Variants in KCNB2 observed in about 807,000 individuals in gnomAD.
KCNB2 encodes potassium voltage-gated channel subfamily B member 2.
A neutral mutation model predicts 61.5 loss-of-function variants in KCNB2; 15 were observed. That is an observed-to-expected ratio of 0.24 (90% CI 0.16 to 0.38). The LOEUF is 0.38. Ranked by LOEUF, KCNB2 falls within the 10% of genes least tolerant of loss-of-function variation. The probability of loss-of-function intolerance (pLI) is 1.00; values close to 1 mark genes in which losing one functional copy is unlikely to be tolerated. For missense variants in KCNB2, 828 were observed against 1,125.2 expected, an observed-to-expected ratio of 0.74 and a Z score of 3.78; for synonymous variants, 457 against 446.0, an observed-to-expected ratio of 1.02 and a Z score of -0.31.
At chr8:72,735,359 T>C (rs917915265) in intron 2 of KCNB2, among the ~76,000 whole-genome samples, 1 of 152,158 alleles carries the variant, frequency 6.6e-6, no homozygotes, top group Non-Finnish European at 1.5e-5. Context: ...ATTTTGCTCA[T>C]AAAAGTCATT....
At chr8:72,607,256 GA>G (rs1372039878) in intron 2 of KCNB2, among the ~76,000 whole-genome samples, 2 of 152,106 alleles carry the variant, frequency 1.3e-5, no homozygotes, top group Non-Finnish European at 2.9e-5. Flanking sequence ...GGAGTTGGAG[GA>G]ACAGGGATGG....
chr8:72,812,121 G>A (rs1585907247), intron 2 of KCNB2, among the ~76,000 whole-genome samples: 2 of 152,106 alleles, frequency 1.3e-5, no homozygotes, highest in Admixed American at 6.6e-5. Context: ...AATTAGCTGG[G>A]CATAGCAGCT....
intron 2 of KCNB2, among the ~76,000 whole-genome samples, chr8:72,909,730 T>A (rs1462330771): frequency 6.6e-6 from 1 of 151,900 alleles, no homozygotes; most frequent in Non-Finnish European, 1.5e-5. Flanking sequence ...ATGAGAGATA[T>A]TTAAGAGGTC....
At chr8:72,555,219 A>G (rs913181565) in intron 1 of KCNB2, among the ~76,000 whole-genome samples, 1 of 151,954 alleles carries the variant, frequency 6.6e-6, no homozygotes, top group African/African-American at 2.4e-5. Flanking sequence ...GAGGGATGAG[A>G]AATAATGAGA....
intron 2 of KCNB2, among the ~76,000 whole-genome samples, chr8:72,696,053 C>G (rs1372551564): frequency 6.6e-6 from 1 of 152,204 alleles, no homozygotes. Flanking sequence ...CTGGTACTTG[C>G]AGAGTCATCT....
chr8:72,905,168 C>T (rs6984816), intron 2 of KCNB2, among the ~76,000 whole-genome samples: 92,799 of 152,054 alleles, frequency 0.61, 29,357 homozygotes, highest in Middle Eastern at 0.71. Context: ...AAGCTAAGCT[C>T]GACCTCTGAA....
intron 2 of KCNB2, among the ~76,000 whole-genome samples, chr8:72,894,098 A>T (rs1027550700): frequency 1.3e-5 from 2 of 152,168 alleles, no homozygotes; most frequent in Non-Finnish European, 2.9e-5. Flanking sequence ...CAAGTAAGGG[A>T]TTGGGGTAGG....
chr8:72,711,656 G>C (rs1807328823), intron 2 of KCNB2, among the ~76,000 whole-genome samples: 1 of 152,230 alleles, frequency 6.6e-6, no homozygotes, highest in Admixed American at 6.5e-5. Flanking sequence ...AGCATGTCCA[G>C]AGGCCAAACA....
intron 2 of KCNB2, among the ~76,000 whole-genome samples, chr8:72,618,136 A>G (rs766306490): frequency 1.3e-5 from 2 of 152,148 alleles, no homozygotes; most frequent in African/African-American, 2.4e-5. Context: ...CGAGATGGCA[A>G]TGTAGACTGA....
At chr8:72,777,585 T>C (rs2128997622) in intron 2 of KCNB2, among the ~76,000 whole-genome samples, 1 of 152,338 alleles carries the variant, frequency 6.6e-6, no homozygotes, top group African/African-American at 2.4e-5. Context: ...GTTGCCACCA[T>C]GTTTTTTCTA....
At chr8:72,761,199 T>C (rs1310700941) in intron 2 of KCNB2, among the ~76,000 whole-genome samples, 2 of 152,196 alleles carry the variant, frequency 1.3e-5, no homozygotes, top group South Asian at 2.1e-4. Context: ...TCGGAGGAGA[T>C]GCTGCCCCAC....
At chr8:72,705,224 G>T (rs1807201758) in intron 2 of KCNB2, among the ~76,000 whole-genome samples, 1 of 152,178 alleles carries the variant, frequency 6.6e-6, no homozygotes, top group Non-Finnish European at 1.5e-5. Flanking sequence ...CTATTTACCA[G>T]TAGGGTGATT....
intron 1 of KCNB2, among the ~76,000 whole-genome samples, chr8:72,547,166 A>G (rs1806271658): frequency 6.6e-6 from 1 of 152,234 alleles, no homozygotes. Context: ...TAAGCCCACC[A>G]TTAGAACCTA....
At chr8:72,854,539 A>G (rs1381458181) in intron 2 of KCNB2, among the ~76,000 whole-genome samples, 1 of 152,186 alleles carries the variant, frequency 6.6e-6, no homozygotes, top group Admixed American at 6.5e-5. Flanking sequence ...CTGTGGGTAC[A>G]ATGGTGAGGA....
At chr8:72,816,065 A>G (rs1425914438) in intron 2 of KCNB2, among the ~76,000 whole-genome samples, 1 of 152,224 alleles carries the variant, frequency 6.6e-6, no homozygotes, top group African/African-American at 2.4e-5. Flanking sequence ...ATTTTAGAAT[A>G]CTGTATTTTA....
chr8:72,731,848 A>G (rs1275355611), intron 2 of KCNB2, among the ~76,000 whole-genome samples: 1 of 152,228 alleles, frequency 6.6e-6, no homozygotes, highest in Non-Finnish European at 1.5e-5. Context: ...CATGCCTGGT[A>G]AGCTAGATCT....
rs7829758 is a variant in KCNB2 at position 72,795,203 on chromosome 8, G to A, written c.580-140732G>A. 3.2e-3 allele frequency among the ~76,000 whole-genome samples: 481 copies of A among 152,262 alleles called. 6 individuals are homozygous for A. The highest frequency in any genetic ancestry group is 0.011 in the African/African-American group (446 of 41,564). On this transcript the variant is annotated intron_variant, in intron 2 of 2. Transcript: ENST00000523207. ...ATTTCTTTCTAAAGTAGAAAAAGTG[G>A]ATGTGTTACAAAGTAGACAAATAGT...
intron 2 of KCNB2, among the ~76,000 whole-genome samples, chr8:72,648,608 G>A (rs1478307378): frequency 6.9e-6 from 1 of 144,872 alleles, no homozygotes; most frequent in African/African-American, 2.5e-5. Context: ...TAATAGTTTT[G>A]AGTAAAATAT....
intron 2 of KCNB2, among the ~76,000 whole-genome samples, chr8:72,656,115 T>C (rs1806287267): frequency 6.6e-6 from 1 of 152,134 alleles, no homozygotes; most frequent in African/African-American, 2.4e-5. Context: ...GTCCTGGGCT[T>C]TTCTCCACTT....
Sources: gnomAD v4.1 joint callset for allele counts (sites outside exome capture counted in the v4.1 genomes callset) on GRCh38, gnomAD v4.1.1 for gene constraint, MANE v1.5 for transcripts, NCBI Gene and HGNC (gene_info 2026-07-23, HGNC 2026-07-21) for gene names.